The following DOP1A variants were observed in gnomAD, a reference collection of about 807,000 sequenced individuals.
DOP1A encodes the protein DOP1 leucine zipper like protein A.
DOP1A carries 90 observed loss-of-function variants against 267.6 expected under a neutral mutation model. The observed-to-expected ratio is 0.34, with a 90% CI of 0.28 to 0.40. The LOEUF is 0.40. Among genes scored for constraint, DOP1A ranks in the 10% least tolerant of loss-of-function variants. DOP1A has a pLI of 1.00. For missense variants in DOP1A, 2,437 were observed against 2,900.4 expected (o/e 0.84, Z 3.67); for synonymous variants, 932 against 999.1 (o/e 0.93, Z 1.27).
downstream of DOP1A, chr6:83,170,253 CT>C: frequency 6.5e-7 from 1 of 1,527,278 alleles, no homozygotes; most frequent in Non-Finnish European, 9.0e-7. Flanking sequence ...AATAGTTTGC[CT>C]GCCCATCACC....
At chr6:83,097,664 T>C (rs1318515625) in intron 3 of DOP1A, among the ~76,000 whole-genome samples, 2 of 152,178 alleles carry the variant, frequency 1.3e-5, no homozygotes, top group African/African-American at 4.8e-5. Context: ...TATTCAGTTA[T>C]TGTTGTGGCA....
chr6:83,151,586 C>T lies in DOP1A; in HGVS notation c.5838-7C>T. 6.3e-7 allele frequency: 1 copy of T among 1,592,664 alleles called. No homozygotes were observed. The highest frequency in any genetic ancestry group is 1.8e-5 in the Admixed American group (1 of 54,644). On this transcript the variant is annotated splice_polypyrimidine_tract_variant and splice_region_variant and intron_variant, in intron 27 of 38. Transcript: ENST00000349129. ...TCCCGTTTCTGTTTTCTCTTTGGCC[C>T]TTTTAGGGTTCTGAATGAGTTTATT...
At chr6:83,075,263 G>A (rs886223732) in intron 1 of DOP1A, among the ~76,000 whole-genome samples, 1 of 152,074 alleles carries the variant, frequency 6.6e-6, no homozygotes, top group Non-Finnish European at 1.5e-5. Context: ...TTTACCGTGG[G>A]TCAGGCACTT....
rs1294883521 is a variant in DOP1A, at chr6:83,137,491, A to C, written c.3449A>C (p.Gln1150Pro). 1.9e-6 allele frequency: 3 copies of C among 1,613,814 alleles called. No homozygotes were observed. Among genetic ancestry groups the C allele is most frequent in the Non-Finnish European group, 2.5e-6 (3 of 1,179,846 alleles). ...GAAAGCTCCCCAGATGATGATGTTC[A>C]ACAGGTAGTATTTGACCTGATATGT... ...PKESSPDDDV[Q>P]QVVFDLICKV... is the part of the protein sequence containing the mutation. The change falls in exon 21 of 39, where the codon CAA (glutamine) becomes CCA (proline). Residue 1150 changes from glutamine (Q) to proline (P), a missense_variant. Coordinates refer to ENST00000349129, the MANE Select transcript of DOP1A (RefSeq NM_015018.4).
intron 4 of DOP1A, among the ~76,000 whole-genome samples, chr6:83,104,340 C>T (rs111903016): frequency 2.5e-4 from 38 of 152,104 alleles, no homozygotes; most frequent in African/African-American, 8.4e-4. Flanking sequence ...GCAAGTATAT[C>T]TTTGTCTTAT....
Position 83,133,515 on chromosome 6 carries a change from C to A in DOP1A, c.2770-672C>A, listed in dbSNP as rs1045877066. Among the ~76,000 whole-genome samples, 7 of 151,962 alleles carry A rather than the reference C, an allele frequency of 4.6e-5. No individual in the cohort carries two copies. In the East Asian group the frequency reaches 1.3e-3, roughly 29 times the overall value. ...CTTTTGCTTGAAGGATCCATAAATG[C>A]TAAAGAAAGACTTTAAAAATTTTGA... On this transcript the variant is annotated intron_variant, in intron 18 of 38. Transcript: ENST00000349129.
In DOP1A at chr6:83,161,097, T is replaced by C. The variant is rs1784133924; in HGVS notation, c.6962+1137T>C. The C allele has an allele frequency of 3.9e-5, 6 of 152,104 alleles. No homozygotes were observed. In the South Asian group the frequency reaches 6.2e-4, roughly 16 times the overall value. The allele number at this position is 152,104 out of a possible 1,614,324, so 9.4% of individuals were successfully genotyped here. Reference sequence around the variant, plus strand: ...AGAATCGTAGGAATGTGGCCAATATTAACCAAGACACTTACCTTCACAAAA... The same window carrying C: ...AGAATCGTAGGAATGTGGCCAATATCAACCAAGACACTTACCTTCACAAAA... On this transcript the variant is annotated intron_variant, in intron 37 of 38. Transcript: ENST00000349129.
chr6:83,162,901 T>G lies in DOP1A; in HGVS notation c.7074T>G (p.Leu2358=), dbSNP rs758863411. 7 of 1,612,764 alleles carry G rather than the reference T, an allele frequency of 4.3e-6. No homozygotes were observed. The highest frequency in any genetic ancestry group is 5.9e-6 in the Non-Finnish European group (7 of 1,179,192). ...CTTACGTGGTACGACTAGCAAAACT[T>G]CTTCGGAAAAGAGCAAAGGTATCGC... The part of the protein sequence containing the change: ...FKPYVVRLAK[L]LRKRAKKNPE... The change falls in exon 38 of 39, where the codon CTT becomes CTG. Residue 2358 remains leucine, a synonymous_variant. Coordinates refer to ENST00000349129, the MANE Select transcript of DOP1A (RefSeq NM_015018.4).
chr6:83,073,892 G>T (rs1037302473), intron 1 of DOP1A, among the ~76,000 whole-genome samples: 4 of 152,182 alleles, frequency 2.6e-5, no homozygotes, highest in African/African-American at 9.7e-5. Flanking sequence ...GCCCCAGAAT[G>T]AGTGATTCTA....
chr6:83,144,100 T>TCAA lies in DOP1A; in HGVS notation c.5542-1408_5542-1406dup, dbSNP rs766856846. On this transcript the variant is annotated intron_variant, in intron 24 of 38. Coordinates refer to ENST00000349129, the MANE Select transcript of DOP1A (RefSeq NM_015018.4). ...CAAACATTTTCAGCTATGCAATGTC[T>TCAA]CAACAACAACAACAACAAGGAAAAT... is the stretch of plus-strand genomic sequence containing the variant. 2.3e-4 allele frequency among the ~76,000 whole-genome samples: 35 copies of TCAA among 152,216 alleles called. 1 individual carries two copies. Among genetic ancestry groups the TCAA allele is most frequent in the Admixed American group, 1.8e-3 (28 of 15,290 alleles).
chr6:83,110,009 G>A, intron 5 of DOP1A, 116 bp from the exon 6 acceptor site: 2 of 1,072,096 alleles, frequency 1.9e-6, no homozygotes, highest in Admixed American at 3.2e-5. Flanking sequence ...TGTTTCCAGG[G>A]TGGAACATAT....
chr6:83,100,564 A>C, intron 3 of DOP1A, 141 bp from the exon 4 acceptor site: 1 of 468,316 alleles, frequency 2.1e-6, no homozygotes, highest in African/African-American at 2.0e-5. Context: ...TTAATTTTAA[A>C]TATGGTATAT....
chr6:83,155,298 CAA>C (rs1197027815), intron 33 of DOP1A, among the ~76,000 whole-genome samples: 131 of 57,740 alleles, frequency 2.3e-3, no homozygotes, highest in African/African-American at 6.0e-3. Context: ...CCCAGCTCTA[CAA>C]AAAAAAAAAA....
At chr6:83,149,218 C>G (rs1781129478) in intron 27 of DOP1A, among the ~76,000 whole-genome samples, 1 of 152,048 alleles carries the variant, frequency 6.6e-6, no homozygotes, top group Admixed American at 6.6e-5. Context: ...GAGCTGGGCC[C>G]CAAACCTAAA....
intron 33 of DOP1A, 138 bp from the exon 34 acceptor site, chr6:83,155,813 C>T (rs1467487344): frequency 1.0e-6 from 1 of 985,178 alleles, no homozygotes; most frequent in Admixed American, 2.9e-5. Context: ...CCTGTCTGCC[C>T]CAGAGAGGGG....
chr6:83,113,552 T>C (rs1202248074), intron 7 of DOP1A, 131 bp downstream of exon 7: 2 of 661,680 alleles, frequency 3.0e-6, no homozygotes, highest in Non-Finnish European at 5.0e-6. Context: ...GGAAAATAAG[T>C]TCCTTCTTAA....
In DOP1A at chr6:83,128,947, A is replaced by C; in HGVS notation, c.1780A>C (p.Ser594Arg). ...EVFEDGENPP[S>R]SRSSESGFTE... ...GTTTGAAGATGGAGAAAATCCACCA[A>C]GTAGTCGATCATCAGAGAGTGGATT... is the stretch of plus-strand genomic sequence containing the variant. The change falls in exon 16 of 39, where the codon AGT (serine) becomes CGT (arginine). Residue 594 changes from serine (S) to arginine (R), a missense_variant. Physicochemically the swap from Ser to Arg is moderately radical, Grantham distance 110. Transcript: ENST00000349129. 2 of 1,570,996 alleles carry C rather than the reference A, an allele frequency of 1.3e-6. No homozygotes were observed. Among genetic ancestry groups the C allele is most frequent in the Non-Finnish European group, 8.6e-7 (1 of 1,157,494 alleles).
Position 83,134,275 on chromosome 6 carries a change from G to A in DOP1A, c.2858G>A (p.Arg953His), listed in dbSNP as rs536203538. Residue 953 changes from arginine (R) to histidine (H), a missense_variant, in exon 19 of 39, where the codon CGT (arginine) becomes CAT (histidine). Coordinates refer to ENST00000349129, the MANE Select transcript of DOP1A (RefSeq NM_015018.4). ...LHINKSSSFV[R>H]SFDRSLFIML... is the part of the protein sequence containing the mutation. ...ATAAATAAATCTTCATCTTTTGTACGTTCTTTTGACAGGTCAGTTACATTT... is the reference window on the plus strand; with the variant it reads ...ATAAATAAATCTTCATCTTTTGTACATTCTTTTGACAGGTCAGTTACATTT... 4.9e-5 allele frequency: 79 copies of A among 1,610,988 alleles called. 1 individual carries two copies. In the Middle Eastern group the frequency reaches 9.9e-4, roughly 20 times the overall value.
At chr6:83,113,580 G>GA (rs202048842) in intron 7 of DOP1A, among the ~76,000 whole-genome samples, 159 bp downstream of exon 7, 16 of 151,820 alleles carry the variant, frequency 1.1e-4, no homozygotes, top group East Asian at 5.8e-4. Context: ...AATTTGTTGT[G>GA]AAAAAAAACT....
Sources: gnomAD v4.1 joint callset for allele counts (sites outside exome capture counted in the v4.1 genomes callset) on GRCh38, gnomAD v4.1.1 for gene constraint, MANE v1.5 for transcripts, NCBI Gene and HGNC (gene_info 2026-07-23, HGNC 2026-07-21) for gene names.